DDX1: variants seen among roughly 807,000 people sequenced by gnomAD.
The protein encoded by DDX1 is ATP-dependent RNA helicase DDX1.
DDX1 carries 28 observed loss-of-function variants against 108.7 expected under a neutral mutation model. The ratio of observed to expected loss-of-function variants is 0.26; its 90% CI spans 0.19 to 0.35. The LOEUF is 0.35. Ranked by LOEUF, DDX1 falls within the 10% of genes least tolerant of loss-of-function variation. The probability of loss-of-function intolerance (pLI) is 1.00; values close to 1 mark genes in which losing one functional copy is unlikely to be tolerated. For synonymous variants in DDX1, 295 were observed against 288.9 expected, an observed-to-expected ratio of 1.02 and a Z score of -0.21; for missense variants, 710 against 884.5, an observed-to-expected ratio of 0.80 and a Z score of 2.50.
chr2:15,610,421 TTTAGAG>T (rs2148742434), intron 13 of DDX1, among the ~76,000 whole-genome samples: 1 of 152,352 alleles, frequency 6.6e-6, no homozygotes, highest in South Asian at 2.1e-4. Context: ...CTGTGATACA[TTTAGAG>T]TTAATTTCTG....
chr2:15,630,045 A>C lies in DDX1; in HGVS notation c.2027A>C (p.Asp676Ala). The change falls in exon 25 of 26, where the codon GAT becomes GCT. Residue 676 changes from aspartate to alanine, a missense_variant. This residue lies in a region of DDX1 where 661 missense variants were observed against 810.2 expected (regional missense o/e 0.82). Coordinates refer to ENST00000233084, the MANE Select transcript of DDX1 (RefSeq NM_004939.3). Reference protein sequence around the residue: ...LNCTISQVEPDIKVPVDEFDG... With the variant: ...LNCTISQVEPAIKVPVDEFDG... ...TGTACCATTTCTCAGGTTGAGCCGG[A>C]TATAAAGGTACCAGTGGATGAATTT... 2 of 1,613,234 alleles carry C rather than the reference A, an allele frequency of 1.2e-6. No individual in the cohort carries two copies. Among genetic ancestry groups the C allele is most frequent in the South Asian group, 2.2e-5 (2 of 90,922 alleles).
intron 1 of DDX1, 76 bp downstream of exon 1, chr2:15,592,025 T>C: frequency 1.6e-6 from 2 of 1,282,648 alleles, no homozygotes; most frequent in Non-Finnish European, 2.0e-6. Context: ...CGCGGAGAGC[T>C]AAAGGGGCGG....
intron 13 of DDX1, among the ~76,000 whole-genome samples, chr2:15,611,918 A>AC (rs1167475891): frequency 5.3e-5 from 4 of 75,340 alleles, no homozygotes; most frequent in African/African-American, 7.4e-5. Context: ...CGGGGAGCTG[A>AC]CCCCCCCACC....
At chr2:15,613,018 C>T (rs567399086) in intron 13 of DDX1, among the ~76,000 whole-genome samples, 7 of 141,982 alleles carry the variant, frequency 4.9e-5, no homozygotes, top group Non-Finnish European at 1.1e-4. Context: ...AGAGGGAGAC[C>T]GTGGGGAGAG....
chr2:15,619,403 GC>G (rs1350418174), intron 16 of DDX1, among the ~76,000 whole-genome samples: 1 of 152,064 alleles, frequency 6.6e-6, no homozygotes, highest in African/African-American at 2.4e-5. Context: ...GGTTGGGGTG[GC>G]CCAGTCAGCT....
rs1433554622 is a variant in DDX1, at chr2:15,620,190, G to A, written c.1207-18G>A. On this transcript the variant is annotated intron_variant, in intron 16 of 25. Coordinates refer to ENST00000233084, the MANE Select transcript of DDX1 (RefSeq NM_004939.3). ...TTATTATAAAAGTTCATCTCAATTT[G>A]GGGTTTCCTCTTCTTAGGTGATTGT... is the stretch of plus-strand genomic sequence containing the variant. The A allele has an allele frequency of 6.3e-7, 1 of 1,596,462 alleles. No individual in the cohort carries two copies. Among genetic ancestry groups the A allele is most frequent in the Admixed American group, 1.8e-5 (1 of 56,334 alleles).
chr2:15,605,948 A>C lies in DDX1; in HGVS notation c.626-2A>C. On this transcript the variant is annotated splice_acceptor_variant, in intron 10 of 25. Coordinates refer to ENST00000233084, the MANE Select transcript of DDX1 (RefSeq NM_004939.3). LOFTEE classifies it high-confidence loss of function. ...ATCTCTCTCTCTCTCTTGTTTTTTAAGGAAAAGATCTTGGTCTGGCATTTG... is the reference window on the plus strand; with the variant it reads ...ATCTCTCTCTCTCTCTTGTTTTTTACGGAAAAGATCTTGGTCTGGCATTTG... 1 of 1,551,116 alleles carries C rather than the reference A, an allele frequency of 6.4e-7. No individual in the cohort carries two copies. The highest frequency in any genetic ancestry group is 8.7e-7 in the Non-Finnish European group (1 of 1,153,532).
At chr2:15,630,221 C>T (rs537094868) in intron 25 of DDX1, 111 bp downstream of exon 25, 132 of 1,117,390 alleles carry the variant, frequency 1.2e-4, no homozygotes, top group Non-Finnish European at 1.5e-4. Flanking sequence ...ATATTTTTAG[C>T]GTGTTAATCA....
intron 20 of DDX1, 131 bp from the exon 21 acceptor site, chr2:15,628,314 G>A (rs945804269): frequency 4.7e-6 from 3 of 640,220 alleles, no homozygotes; most frequent in Non-Finnish European, 8.2e-6. Flanking sequence ...TAAATTAGGA[G>A]TATGTCGACC....
chr2:15,606,914 C>G (rs1322415872), intron 12 of DDX1, among the ~76,000 whole-genome samples: 1 of 152,158 alleles, frequency 6.6e-6, no homozygotes, highest in East Asian at 1.9e-4. Flanking sequence ...CCTTGAATAC[C>G]TGGACTCAAG....
intron 13 of DDX1, among the ~76,000 whole-genome samples, chr2:15,612,971 C>T (rs971029065): frequency 2.5e-4 from 37 of 147,756 alleles, no homozygotes; most frequent in Non-Finnish European, 4.2e-4. Flanking sequence ...AGTCCAGCTT[C>T]GGCTCGGTAT....
At chr2:15,618,526 C>T (rs1665938608) in intron 16 of DDX1, among the ~76,000 whole-genome samples, 1 of 152,214 alleles carries the variant, frequency 6.6e-6, no homozygotes, top group Non-Finnish European at 1.5e-5. Flanking sequence ...TGGGGTCTGG[C>T]CATGGCACAC....
chr2:15,616,474 T>G (rs115765741), intron 14 of DDX1, among the ~76,000 whole-genome samples: 2,066 of 152,308 alleles, frequency 0.014, 56 homozygotes, highest in African/African-American at 0.047. Flanking sequence ...CTACAAGATA[T>G]GTGTGGGAGA....
intron 1 of DDX1, among the ~76,000 whole-genome samples, chr2:15,592,558 T>G (rs1208016440): frequency 6.6e-6 from 1 of 152,122 alleles, no homozygotes; most frequent in Non-Finnish European, 1.5e-5. Flanking sequence ...CCAACATAAG[T>G]TTGGAAAATT....
chr2:15,606,889 C>T (rs1665670978), intron 12 of DDX1, among the ~76,000 whole-genome samples: 1 of 152,174 alleles, frequency 6.6e-6, no homozygotes, highest in Admixed American at 6.5e-5. Flanking sequence ...GTGGCGCCAT[C>T]ATAGCTCACT....
In DDX1 at chr2:15,628,618, A is replaced by G; in HGVS notation, c.1760-20A>G. The G allele has an allele frequency of 6.2e-7, 1 of 1,605,172 alleles. No individual in the cohort carries two copies. The highest frequency in any genetic ancestry group is 1.3e-5 in the African/African-American group (1 of 74,600). On this transcript the variant is annotated intron_variant, in intron 21 of 25. Transcript: ENST00000233084. ...ATTTAGAAACTACTGGCAATTGTTA[A>G]TAATGGTTTTTATTTATAGTTATAA...
At chr2:15,610,034 A>G (rs550990372) in intron 13 of DDX1, among the ~76,000 whole-genome samples, 2 of 152,294 alleles carry the variant, frequency 1.3e-5, no homozygotes, top group East Asian at 1.9e-4. Context: ...TCTAGGGCTC[A>G]AGCAATCCTC....
intron 19 of DDX1, among the ~76,000 whole-genome samples, chr2:15,624,853 G>A (rs1666073008): frequency 6.6e-6 from 1 of 152,156 alleles, no homozygotes; most frequent in African/African-American, 2.4e-5. Context: ...AGAATAGATT[G>A]TTGGTGAGAA....
intron 13 of DDX1, among the ~76,000 whole-genome samples, chr2:15,609,004 C>G (rs79487990): frequency 0.024 from 3,686 of 152,150 alleles, 148 homozygotes; most frequent in East Asian, 0.22. Context: ...GGCTGGGAGC[C>G]AGGGCTTCAA....
Sources: allele counts gnomAD v4.1 joint callset (sites outside exome capture counted in the v4.1 genomes callset), GRCh38; gene constraint gnomAD v4.1.1; regional missense constraint gnomAD v4.1.1; transcripts MANE v1.5; gene names NCBI Gene and HGNC (gene_info 2026-07-23, HGNC 2026-07-21).